Variants in SAMD5 observed in about 807,000 individuals in gnomAD.
SAMD5 encodes the protein sterile alpha motif domain containing 5.
Under a neutral mutation model 11.3 loss-of-function variants are expected in SAMD5, and 13 were observed. That is an observed-to-expected ratio of 1.15 (90% CI 0.75 to 1.83). The LOEUF (loss-of-function observed/expected upper bound fraction) is 1.83. Among genes scored for constraint, SAMD5 ranks in the 40% most tolerant of loss-of-function variants. SAMD5 has a pLI of 0.00. For synonymous variants in SAMD5, 129 were observed against 111.3 expected (o/e 1.16, Z -1.00); for missense variants, 255 against 239.1 (o/e 1.07, Z -0.44).
chr6:147,837,129 G>A, the SAMD5 span, among the ~76,000 whole-genome samples: 1 of 152,136 alleles, frequency 6.6e-6, no homozygotes, highest in Non-Finnish European at 1.5e-5. Flanking sequence ...TTATTTTCTT[G>A]TATTGTGGTG....
At chr6:147,888,886 A>C in the SAMD5 span, among the ~76,000 whole-genome samples, 1 of 19,028 alleles carries the variant, frequency 5.3e-5, no homozygotes, top group African/African-American at 6.2e-4. Flanking sequence ...ACTCCATCTC[A>C]AAAAAAAAAA....
intron 1 of SAMD5, among the ~76,000 whole-genome samples, chr6:147,734,711 T>TAAAACAAAAAAAAAAAAAA (rs1791768113): frequency 3.8e-5 from 1 of 26,100 alleles, no homozygotes; most frequent in Non-Finnish European, 9.4e-5. Context: ...AGACTCCATC[T>TAAAACAAAAAAAAAAAAAA]AAAAAAAAAA....
At chr6:147,881,818 C>A in the SAMD5 span, among the ~76,000 whole-genome samples, 1 of 152,108 alleles carries the variant, frequency 6.6e-6, no homozygotes, top group East Asian at 1.9e-4. Context: ...TTAGCAATGC[C>A]CTCAACTGAG....
At position 147,687,798 on chromosome 6, in the gene SAMD5, T is replaced by C. The variant is rs946341325; in HGVS notation, c.163-49519T>C. Among the ~76,000 whole-genome samples, 9 of 152,348 alleles carry C rather than the reference T, an allele frequency of 5.9e-5. No individual in the cohort carries two copies. In the South Asian group the frequency reaches 6.2e-4, roughly 11 times the overall value. On this transcript the variant is annotated intron_variant, in intron 1 of 1. Transcript: ENST00000566741. ...GTCACCTGGCTTGCATAGTTTCTGC[T>C]GAGAAGTCAGCTGTAAGTTTTATTG...
At position 147,708,776 on chromosome 6, in the gene SAMD5, C is replaced by T. The variant is rs1007686321; in HGVS notation, c.163-28541C>T. ...TGTCTTTTGGGGATGATAAATGAGCCCAAATAATAACAAATGAGCCTCACA... is the reference window on the plus strand; with the variant it reads ...TGTCTTTTGGGGATGATAAATGAGCTCAAATAATAACAAATGAGCCTCACA... On this transcript the variant is annotated intron_variant, in intron 1 of 1. Transcript: ENST00000566741. Among the ~76,000 whole-genome samples, 4 of 152,126 alleles carry T rather than the reference C, an allele frequency of 2.6e-5. No homozygotes were observed. In the East Asian group the frequency reaches 7.7e-4, roughly 29 times the overall value.
intron 1 of SAMD5, among the ~76,000 whole-genome samples, chr6:147,633,797 T>C (rs1034455271): frequency 1.3e-5 from 2 of 152,006 alleles, no homozygotes; most frequent in African/African-American, 4.8e-5. Context: ...CAAAGGAGTG[T>C]ATTCATTTTT....
chr6:147,917,476 G>A, the SAMD5 span, among the ~76,000 whole-genome samples: 5 of 151,956 alleles, frequency 3.3e-5, no homozygotes, highest in African/African-American at 1.2e-4. Context: ...CAGATAAGTA[G>A]GTTGCGAAAA....
the SAMD5 span, among the ~76,000 whole-genome samples, chr6:147,878,619 ATGTATATATAT>A: frequency 6.8e-6 from 1 of 146,802 alleles, no homozygotes; most frequent in Non-Finnish European, 1.5e-5. Flanking sequence ...ATAGATATAT[ATGTATATATAT>A]CTATATATTT....
chr6:147,793,029 C>G, the SAMD5 span, among the ~76,000 whole-genome samples: 1 of 152,126 alleles, frequency 6.6e-6, no homozygotes, highest in Non-Finnish European at 1.5e-5. Context: ...TATCCCCATT[C>G]TTTAAGTGTG....
intron 1 of SAMD5, among the ~76,000 whole-genome samples, chr6:147,639,881 T>A (rs1339379520): frequency 2.0e-5 from 3 of 152,084 alleles, no homozygotes; most frequent in Non-Finnish European, 2.9e-5. Flanking sequence ...AATTGAGATT[T>A]TTTTTTTCTT....
chr6:147,669,798 G>A (rs938586576), intron 1 of SAMD5, among the ~76,000 whole-genome samples: 1 of 152,102 alleles, frequency 6.6e-6, no homozygotes, highest in Non-Finnish European at 1.5e-5. Context: ...CTCCACTGAA[G>A]TCTTGAACCC....
intron 1 of SAMD5, among the ~76,000 whole-genome samples, chr6:147,583,298 T>C (rs1363812140): frequency 2.6e-5 from 4 of 152,216 alleles, no homozygotes; most frequent in African/African-American, 9.6e-5. Context: ...TAAGCCTCAA[T>C]GAACTAAAAT....
intron 1 of SAMD5, among the ~76,000 whole-genome samples, chr6:147,620,335 G>A (rs908850300): frequency 6.6e-6 from 1 of 152,100 alleles, no homozygotes; most frequent in East Asian, 1.9e-4. Flanking sequence ...CCTTACTCCC[G>A]TACGACCCCT....
At chr6:147,805,157 C>T in the SAMD5 span, among the ~76,000 whole-genome samples, 1 of 152,142 alleles carries the variant, frequency 6.6e-6, no homozygotes, top group African/African-American at 2.4e-5. Context: ...ATTTCTAGCC[C>T]AGTTATATGA....
chr6:147,804,435 C>T, the SAMD5 span, among the ~76,000 whole-genome samples: 2 of 152,158 alleles, frequency 1.3e-5, no homozygotes, highest in Non-Finnish European at 2.9e-5. Context: ...GTGTTTTTCT[C>T]CCCTCACTGG....
At chr6:147,527,960 G>A (rs1788369614) in intron 1 of SAMD5, among the ~76,000 whole-genome samples, 1 of 152,058 alleles carries the variant, frequency 6.6e-6, no homozygotes, top group Non-Finnish European at 1.5e-5. Flanking sequence ...CATCTTACAT[G>A]GCAGGAACAG....
chr6:147,656,433 C>T (rs890855102), intron 1 of SAMD5, among the ~76,000 whole-genome samples: 3 of 152,070 alleles, frequency 2.0e-5, no homozygotes, highest in Admixed American at 6.6e-5. Context: ...AAAGCAAAGA[C>T]GTTAAAAGAC....
the SAMD5 span, among the ~76,000 whole-genome samples, chr6:147,874,914 G>C: frequency 0.083 from 12,694 of 152,056 alleles, 798 homozygotes; most frequent in African/African-American, 0.18. Flanking sequence ...GTTAAGCTGC[G>C]TTAAGAGTTT....
chr6:147,893,585 A>G, the SAMD5 span, among the ~76,000 whole-genome samples: 23 of 152,268 alleles, frequency 1.5e-4, no homozygotes, highest in South Asian at 2.9e-3. Flanking sequence ...TTTTTTTTCA[A>G]CCTTTTCCTC....
Sources: gnomAD v4.1 joint callset for allele counts (sites outside exome capture counted in the v4.1 genomes callset) on GRCh38, gnomAD v4.1.1 for gene constraint, MANE v1.5 for transcripts, NCBI Gene and HGNC (gene_info 2026-07-23, HGNC 2026-07-21) for gene names.